PDS5B: variants seen among roughly 807,000 people sequenced by gnomAD.
PDS5B encodes sister chromatid cohesion protein PDS5 homolog B.
In PDS5B, 51 loss-of-function variants were observed where a neutral mutation model predicts 184.1. That is an observed-to-expected ratio of 0.28 (90% CI 0.22 to 0.35). The LOEUF (loss-of-function observed/expected upper bound fraction) is 0.35, where lower values mean the gene tolerates loss of function less well. Among genes scored for constraint, PDS5B ranks in the 10% least tolerant of loss-of-function variants. PDS5B has a pLI of 1.00. For synonymous variants in PDS5B, 566 were observed against 569.2 expected (o/e 0.99, Z 0.08); for missense variants, 1,180 against 1,723.3 (o/e 0.68, Z 5.58).
intron 6 of PDS5B, among the ~76,000 whole-genome samples, chr13:32,660,598 A>G (rs1950616963): frequency 6.6e-6 from 1 of 152,164 alleles, no homozygotes; most frequent in African/African-American, 2.4e-5. Context: ...CCTAGACACA[A>G]ATCGAGTATC....
Position 32,775,007 on chromosome 13 carries a change from T to C in PDS5B, c.4309-10T>C, listed in dbSNP as rs1447089389. 1.2e-6 allele frequency: 2 copies of C among 1,612,542 alleles called. No homozygotes were observed. Among genetic ancestry groups the C allele is most frequent in the African/African-American group, 1.3e-5 (1 of 74,834 alleles). On this transcript the variant is annotated splice_polypyrimidine_tract_variant and intron_variant, in intron 34 of 34. Coordinates refer to ENST00000315596, the MANE Select transcript of PDS5B (RefSeq NM_015032.4). ...ATTTTAATTAAGCATCTGGTGACTT[T>C]CCTTTTAAGGTACGGCGGCGAAGTG...
chr13:32,688,777 A>G (rs1951466137), intron 13 of PDS5B: 1 of 468,224 alleles, frequency 2.1e-6, no homozygotes, highest in African/African-American at 2.0e-5. Context: ...TGAAAAATAG[A>G]GCTGATTGAC....
At chr13:32,764,792 T>A (rs1954532649) in intron 31 of PDS5B, among the ~76,000 whole-genome samples, 198 bp downstream of exon 31, 1 of 152,184 alleles carries the variant, frequency 6.6e-6, no homozygotes, top group Non-Finnish European at 1.5e-5. Context: ...ATCAATGTGA[T>A]AAGTAATCTC....
At chr13:32,760,112 C>T (rs1253048208) in intron 29 of PDS5B, among the ~76,000 whole-genome samples, 2 of 152,044 alleles carry the variant, frequency 1.3e-5, no homozygotes, top group African/African-American at 4.8e-5. Context: ...CCTGCCACCA[C>T]GCCTGGCTAA....
chr13:32,710,449 C>T (rs1952168971), intron 19 of PDS5B, among the ~76,000 whole-genome samples: 1 of 152,042 alleles, frequency 6.6e-6, no homozygotes, highest in Non-Finnish European at 1.5e-5. Context: ...CTTTAGTTTC[C>T]TCTGTGATTT....
At chr13:32,588,750 A>AT (rs2057729508) in intron 1 of PDS5B, among the ~76,000 whole-genome samples, 1 of 152,258 alleles carries the variant, frequency 6.6e-6, no homozygotes, top group South Asian at 2.1e-4. Flanking sequence ...TTGTAATAAG[A>AT]TTCTACCGAG....
At chr13:32,631,467 A>C (rs549073658) in intron 1 of PDS5B, among the ~76,000 whole-genome samples, 2 of 152,300 alleles carry the variant, frequency 1.3e-5, no homozygotes, top group South Asian at 4.1e-4. Context: ...CAACTTTAAT[A>C]TAAGCTATGC....
At position 32,770,132 on chromosome 13, in the gene PDS5B, G is replaced by A. The variant is rs765394311; in HGVS notation, c.3636G>A (p.Glu1212=). The change falls in exon 32 of 35, where the codon GAG becomes GAA. Residue 1212 remains glutamate, a synonymous_variant. Coordinates refer to ENST00000315596, the MANE Select transcript of PDS5B (RefSeq NM_015032.4). ...TTTTTTTCCCCTAGTCTGAATTGGAGAAGCCTAGAGGCAGGAAAAAAACGC... is the reference window on the plus strand; with the variant it reads ...TTTTTTTCCCCTAGTCTGAATTGGAAAAGCCTAGAGGCAGGAAAAAAACGC... ...DDSDLVRSEL[E]KPRGRKKTPV... is the part of the protein sequence containing the mutation. The A allele has an allele frequency of 5.0e-6, 8 of 1,596,082 alleles. No individual in the cohort carries two copies. The highest frequency in any genetic ancestry group is 6.8e-6 in the Non-Finnish European group (8 of 1,173,904).
chr13:32,602,466 A>G (rs1224815865), intron 1 of PDS5B, among the ~76,000 whole-genome samples: 1 of 152,176 alleles, frequency 6.6e-6, no homozygotes, highest in African/African-American at 2.4e-5. Flanking sequence ...CATGGTGTAT[A>G]TGTGCCACAT....
chr13:32,760,500 T>C (rs1402674255), intron 29 of PDS5B, 75 bp from the exon 30 acceptor site: 9 of 1,363,532 alleles, frequency 6.6e-6, no homozygotes, highest in Admixed American at 4.0e-5. Context: ...GAGAGAGATG[T>C]TATTTATGGT....
At chr13:32,700,106 TA>T in intron 16 of PDS5B, among the ~76,000 whole-genome samples, 1 of 152,286 alleles carries the variant, frequency 6.6e-6, no homozygotes, top group Admixed American at 6.5e-5. Context: ...ATTAGTCTTT[TA>T]TAGTATTTAA....
intron 6 of PDS5B, among the ~76,000 whole-genome samples, chr13:32,661,385 C>CAAAAAAAAAAAAAAAAAAAAAA (rs747985772): frequency 2.5e-4 from 8 of 31,994 alleles, no homozygotes; most frequent in South Asian, 1.8e-3. Context: ...GACTCTGTCT[C>CAAAAAAAAAAAAAAAAAAAAAA]AAAAAAAAAA....
At chr13:32,623,552 A>T (rs1275170613) in intron 1 of PDS5B, among the ~76,000 whole-genome samples, 2 of 152,212 alleles carry the variant, frequency 1.3e-5, no homozygotes, top group African/African-American at 4.8e-5. Flanking sequence ...GAATAAGCAA[A>T]GGCAATTAGC....
intron 24 of PDS5B, among the ~76,000 whole-genome samples, chr13:32,747,323 C>T (rs964896872): frequency 6.6e-6 from 1 of 151,782 alleles, no homozygotes; most frequent in Non-Finnish European, 1.5e-5. Context: ...AATTCTTCCT[C>T]CCCACCCTTT....
intron 20 of PDS5B, among the ~76,000 whole-genome samples, chr13:32,733,419 T>G (rs1953193882): frequency 1.3e-5 from 2 of 152,176 alleles, no homozygotes; most frequent in African/African-American, 4.8e-5. Context: ...ATTACCAAAC[T>G]TATAATCTAA....
intron 15 of PDS5B, among the ~76,000 whole-genome samples, chr13:32,697,125 G>A (rs1336898030): frequency 6.6e-6 from 1 of 152,096 alleles, no homozygotes; most frequent in Non-Finnish European, 1.5e-5. Context: ...CTGAATCTGT[G>A]TTTGGTTTTG....
chr13:32,619,864 T>G (rs1391640426), intron 1 of PDS5B, among the ~76,000 whole-genome samples: 1 of 152,144 alleles, frequency 6.6e-6, no homozygotes, highest in Non-Finnish European at 1.5e-5. Context: ...AGTGGTGTGG[T>G]CTTGGCTCAC....
rs1419558866 is a variant in PDS5B, at chr13:32,758,081, T to A, written c.3057-6T>A. 3.0e-6 allele frequency: 4 copies of A among 1,317,630 alleles called. No homozygotes were observed. Among genetic ancestry groups the A allele is most frequent in the Non-Finnish European group, 4.1e-6 (4 of 983,786 alleles). The allele number at this position is 1,317,630 out of a possible 1,614,324, so 81.6% of individuals were successfully genotyped here. A position where few individuals can be genotyped will look rare whatever the true frequency, so the allele number is the denominator to read the frequency against. ...ATATTTCTTTTTTCCTTTTTTTTTTTTTTAGATGTCTTTGGTTTGTTCTGG... is the reference window on the plus strand; with the variant it reads ...ATATTTCTTTTTTCCTTTTTTTTTTATTTAGATGTCTTTGGTTTGTTCTGG... On this transcript the variant is annotated splice_polypyrimidine_tract_variant and splice_region_variant and intron_variant, in intron 26 of 34. Coordinates refer to ENST00000315596, the MANE Select transcript of PDS5B (RefSeq NM_015032.4).
intron 13 of PDS5B, among the ~76,000 whole-genome samples, chr13:32,692,421 T>C (rs1951581795): frequency 7.9e-6 from 1 of 126,868 alleles, no homozygotes; most frequent in African/African-American, 3.1e-5. Flanking sequence ...AAGCCTTTTT[T>C]TTTTTTTTTT....
Sources: gnomAD v4.1 joint callset for allele counts (sites outside exome capture counted in the v4.1 genomes callset) on GRCh38, gnomAD v4.1.1 for gene constraint, MANE v1.5 for transcripts, NCBI Gene and HGNC (gene_info 2026-07-23, HGNC 2026-07-21) for gene names.